The following TYRO3 variants were observed in gnomAD, a reference collection of about 807,000 sequenced individuals.
The protein encoded by TYRO3 is TYRO3 protein tyrosine kinase.
TYRO3 carries 38 observed loss-of-function variants against 95.2 expected under a neutral mutation model. The ratio of observed to expected loss-of-function variants is 0.40; its 90% CI spans 0.31 to 0.52. The LOEUF is 0.52. Among genes scored for constraint, TYRO3 ranks in the 20% least tolerant of loss-of-function variants. TYRO3 has a pLI of 0.56. For missense variants in TYRO3, 812 were observed against 1,116.4 expected (o/e 0.73, Z 3.89); for synonymous variants, 367 against 432.9 (o/e 0.85, Z 1.89).
intron 8 of TYRO3, 27 bp from the exon 9 acceptor site, chr15:41,568,851 T>G: frequency 6.2e-7 from 1 of 1,606,206 alleles, no homozygotes; most frequent in Non-Finnish European, 8.5e-7. Flanking sequence ...AGGCTCACTA[T>G]GGGGTGGGGG....
Position 41,568,250 on chromosome 15 carries a change from T to A in TYRO3, c.995T>A (p.Ile332Asn). ...PASAPQNLHA[I>N]RTDSGLILEW... is the part of the protein sequence containing the mutation. The stretch of plus-strand genomic sequence containing the variant: ...AGCGCTCCCCAAAACCTCCATGCCA[T>A]CCGCACAGATTCAGGCCTCATCTTG... Residue 332 changes from isoleucine (I) to asparagine (N), a missense_variant, in exon 8 of 19, where the codon ATC becomes AAC. By Grantham distance (149) the Ile-to-Asn change is moderately radical (BLOSUM62 -3). Coordinates refer to ENST00000263798, the MANE Select transcript of TYRO3 (RefSeq NM_006293.4). 3 of 1,612,976 alleles carry A rather than the reference T, an allele frequency of 1.9e-6. No homozygotes were observed. The highest frequency in any genetic ancestry group is 2.5e-6 in the Non-Finnish European group (3 of 1,179,966).
rs1770708862 is a variant in TYRO3 at position 41,578,749 on chromosome 15, T to C, written c.*473T>C. 5.4e-6 allele frequency: 1 copy of C among 186,078 alleles called. No individual in the cohort carries two copies. Among genetic ancestry groups the C allele is most frequent in the Non-Finnish European group, 1.1e-5 (1 of 90,644 alleles). The allele number at this position is 186,078 out of a possible 1,614,324, so 11.5% of individuals were successfully genotyped here. A position where few individuals can be genotyped will look rare whatever the true frequency, so the allele number is the denominator to read the frequency against. ...TGTGCCCCTCCAAGTCACAAAGAGA[T>C]GTCCTTGTAATATTCCCTTTTAGGT... On this transcript the variant is annotated 3_prime_UTR_variant, in exon 19 of 19. Transcript: ENST00000263798.
Position 41,578,244 on chromosome 15 carries a change from C to T in TYRO3, c.2641C>T (p.Gln881Ter). The T allele has an allele frequency of 6.2e-7, 1 of 1,613,542 alleles. No homozygotes were observed. Among genetic ancestry groups the T allele is most frequent in the Non-Finnish European group, 8.5e-7 (1 of 1,180,028 alleles). The change falls in exon 19 of 19, where the codon CAG becomes TAG. Residue 881 changes from glutamine to a stop codon, truncating the protein, a stop_gained. Transcript: ENST00000263798. LOFTEE classifies it high-confidence loss of function. Reference sequence around the variant, plus strand: ...TGAGACACAGAGGCTTTTGCTGCTGCAGCAAGGGCTACTGCCACACAGTAG... The same window carrying T: ...TGAGACACAGAGGCTTTTGCTGCTGTAGCAAGGGCTACTGCCACACAGTAG... ...LNETQRLLLL[Q>*]QGLLPHSSC is the part of the protein sequence containing the mutation.
chr15:41,573,161 A>G (rs764073556), intron 16 of TYRO3, 50 bp downstream of exon 16: 1 of 1,593,244 alleles, frequency 6.3e-7, no homozygotes. Flanking sequence ...AGGTGCCAAG[A>G]GGAGCTAGCT....
intron 8 of TYRO3, 116 bp downstream of exon 8, chr15:41,568,478 C>T (rs2055753289): frequency 9.3e-7 from 1 of 1,074,756 alleles, no homozygotes; most frequent in South Asian, 1.7e-5. Flanking sequence ...CCCGCAGCCC[C>T]AGGGAATCCT....
chr15:41,560,101 G>A (rs1161534069), intron 1 of TYRO3, among the ~76,000 whole-genome samples: 2 of 152,236 alleles, frequency 1.3e-5, no homozygotes, highest in Non-Finnish European at 2.9e-5. Flanking sequence ...GGTCCTGAGA[G>A]GGTGAAGGGA....
At chr15:41,573,837 C>T (rs376768271) in intron 18 of TYRO3, 22 bp downstream of exon 18, 156 of 1,610,558 alleles carry the variant, frequency 9.7e-5, no homozygotes, top group Non-Finnish European at 1.3e-4. Flanking sequence ...GGGAAGGGGG[C>T]TCTGGAAGGA....
intron 12 of TYRO3, 80 bp downstream of exon 12, chr15:41,570,779 T>A (rs2055786081): frequency 3.5e-6 from 5 of 1,418,274 alleles, no homozygotes; most frequent in Non-Finnish European, 5.0e-6. Context: ...ACTTTGAGGC[T>A]GTGGGTTTGG....
rs543503482 is a variant in TYRO3, at chr15:41,568,127, T to G, written c.962-90T>G. 1,569 of 1,547,390 alleles carry G rather than the reference T, an allele frequency of 1.0e-3. 4 individuals are homozygous for G. Among genetic ancestry groups the G allele is most frequent in the Non-Finnish European group, 1.1e-3 (1,251 of 1,133,174 alleles). ...CCAGTTTGTGCCTCTCAGAGCTGTT[T>G]AGTTCTTGGGAGTTGATTCCAAAGG... is the stretch of plus-strand genomic sequence containing the variant. On this transcript the variant is annotated intron_variant, in intron 7 of 18. Transcript: ENST00000263798.
intron 15 of TYRO3, 88 bp downstream of exon 15, chr15:41,572,652 T>C: frequency 1.4e-6 from 2 of 1,398,346 alleles, no homozygotes; most frequent in African/African-American, 2.8e-5. Context: ...GAGAGGGGCT[T>C]GCTGGGTAGG....
chr15:41,572,094 G>T (rs1253073434), intron 14 of TYRO3, among the ~76,000 whole-genome samples: 2 of 152,164 alleles, frequency 1.3e-5, no homozygotes, highest in Non-Finnish European at 2.9e-5. Context: ...TACCCGGGAG[G>T]CTGAGGTGGG....
Position 41,571,110 on chromosome 15 carries a change from T to C in TYRO3, c.1652T>C (p.Met551Thr). The change falls in exon 13 of 19, where the codon ATG (methionine) becomes ACG (threonine). Residue 551 changes from methionine to threonine, a missense_variant. Coordinates refer to ENST00000263798, the MANE Select transcript of TYRO3 (RefSeq NM_006293.4). ...DGSFVKVAVK[M>T]LKADIIASSD... ...TCCTTTGTGAAAGTGGCTGTGAAGA[T>C]GCTGAAAGGTGAGTGGGGGATAGCT... 1.1e-5 allele frequency: 17 copies of C among 1,614,014 alleles called. No individual in the cohort carries two copies. The highest frequency in any genetic ancestry group is 1.4e-5 in the Non-Finnish European group (16 of 1,179,946).
At chr15:41,569,981 C>T in intron 9 of TYRO3, 46 bp from the exon 10 acceptor site, 1 of 1,593,410 alleles carries the variant, frequency 6.3e-7, no homozygotes, top group African/African-American at 1.3e-5. Flanking sequence ...CTGAAGGGAC[C>T]TCATGGTGTC....
chr15:41,562,039 A>C, intron 3 of TYRO3: 1 of 181,954 alleles, frequency 5.5e-6, no homozygotes. Context: ...AGGGCCCTGA[A>C]TGGGAGCTGG....
chr15:41,567,573 C>T, intron 7 of TYRO3, 36 bp downstream of exon 7: 1 of 1,415,852 alleles, frequency 7.1e-7, no homozygotes, highest in Non-Finnish European at 9.2e-7. Flanking sequence ...GTGGGCAGGG[C>T]TGGAGCCGGG....
At position 41,570,623 on chromosome 15, in the gene TYRO3, C is replaced by T. The variant is rs181624470; in HGVS notation, c.1503C>T (p.Ser501=). ...IEATLDSLGI[S]DELKEKLEDV... Reference sequence around the variant, plus strand: ...CCACAGTGGACAGCTTGGGCATCAGCGATGAACTAAAGGAAAAACTGGAGG... The same window carrying T: ...CCACAGTGGACAGCTTGGGCATCAGTGATGAACTAAAGGAAAAACTGGAGG... Residue 501 remains serine (S), a synonymous_variant, in exon 12 of 19, where the codon AGC becomes AGT. Coordinates refer to ENST00000263798, the MANE Select transcript of TYRO3 (RefSeq NM_006293.4). The T allele has an allele frequency of 2.2e-5, 36 of 1,614,066 alleles. No individual in the cohort carries two copies. Among genetic ancestry groups the T allele is most frequent in the Admixed American group, 1.7e-4 (10 of 60,014 alleles).
At chr15:41,573,619 T>G (rs1256976733) in intron 17 of TYRO3, 60 bp from the exon 18 acceptor site, 1 of 1,451,554 alleles carries the variant, frequency 6.9e-7, no homozygotes, top group Non-Finnish European at 9.4e-7. Context: ...GAGCCATGGC[T>G]CTCTGCCTGG....
chr15:41,571,731 A>G, intron 14 of TYRO3, 44 bp downstream of exon 14: 1 of 860,286 alleles, frequency 1.2e-6, no homozygotes, highest in Non-Finnish European at 1.9e-6. Context: ...TAGGGCTAAA[A>G]ATATGCTCTA....
chr15:41,566,707 C>T (rs2055729444), intron 6 of TYRO3, among the ~76,000 whole-genome samples: 1 of 152,222 alleles, frequency 6.6e-6, no homozygotes, highest in Admixed American at 6.5e-5. Flanking sequence ...GCCAGCTCTT[C>T]CAGTGCCTCC....
Sources: gnomAD v4.1 joint callset for allele counts (sites outside exome capture counted in the v4.1 genomes callset) on GRCh38, gnomAD v4.1.1 for gene constraint, MANE v1.5 for transcripts, NCBI Gene and HGNC (gene_info 2026-07-23, HGNC 2026-07-21) for gene names.